The following TF variants were observed in gnomAD, a reference collection of about 807,000 sequenced individuals.
TF encodes transferrin.
TF carries 55 observed loss-of-function variants against 82.4 expected under a neutral mutation model. The ratio of observed to expected loss-of-function variants is 0.67; its 90% CI spans 0.54 to 0.84. The LOEUF is 0.84. Ranked by LOEUF, TF falls within the 40% of genes least tolerant of loss-of-function variation. The pLI is 0.00. For missense variants in TF, 737 were observed against 868.4 expected, an observed-to-expected ratio of 0.85 and a Z score of 1.90; for synonymous variants, 332 against 332.6, an observed-to-expected ratio of 1.00 and a Z score of 0.02.
chr3:133,691,460 A>G, the TF span, among the ~76,000 whole-genome samples: 4 of 152,226 alleles, frequency 2.6e-5, no homozygotes, highest in Admixed American at 2.6e-4. Flanking sequence ...AGGGGAGGAC[A>G]AACAATAAAC....
chr3:133,698,248 A>T, the TF span, among the ~76,000 whole-genome samples: 74 of 152,284 alleles, frequency 4.9e-4, no homozygotes, highest in African/African-American at 1.7e-3. Flanking sequence ...TCATTGCTTC[A>T]TTCTGTTGTT....
the TF span, among the ~76,000 whole-genome samples, chr3:133,739,871 T>G: frequency 6.6e-6 from 1 of 152,216 alleles, no homozygotes; most frequent in Non-Finnish European, 1.5e-5. Context: ...AGGAATGCTT[T>G]TACACTGTTG....
At chr3:133,684,094 G>A in the TF span, among the ~76,000 whole-genome samples, 1 of 152,222 alleles carries the variant, frequency 6.6e-6, no homozygotes, top group Non-Finnish European at 1.5e-5. Flanking sequence ...ACCTGCTCCT[G>A]AATGACTACT....
At chr3:133,747,641 CT>C (rs1933540769) in intron 1 of TF, among the ~76,000 whole-genome samples, 1 of 152,174 alleles carries the variant, frequency 6.6e-6, no homozygotes, top group South Asian at 2.1e-4. Context: ...CTGGCTTCAG[CT>C]TTTTTTGTGA....
At position 133,793,814 on chromosome 3, in the gene TF, A is replaced by G. The variant is rs1215070876; in HGVS notation, c.*15194A>G. On this transcript the variant is annotated 3_prime_UTR_variant, in exon 17 of 17. Coordinates refer to ENST00000402696, the MANE Select transcript of TF (RefSeq NM_001063.4). ...ATGAAAGATTGGAAAGGACCCTAAAAAGCACTCTTGAATACAGGTTTCTAA... is the reference window on the plus strand; with the variant it reads ...ATGAAAGATTGGAAAGGACCCTAAAGAGCACTCTTGAATACAGGTTTCTAA... 1 of 152,190 alleles carries G rather than the reference A, an allele frequency of 6.6e-6. No homozygotes were observed. Among genetic ancestry groups the G allele is most frequent in the Non-Finnish European group, 1.5e-5 (1 of 68,026 alleles). The allele number at this position is 152,190 out of a possible 1,614,324, so 9.4% of individuals were successfully genotyped here. A position where few individuals can be genotyped will look rare whatever the true frequency, so the allele number is the denominator to read the frequency against.
the TF span, among the ~76,000 whole-genome samples, chr3:133,733,535 C>G: frequency 0.018 from 2,788 of 152,234 alleles, 41 homozygotes; most frequent in Middle Eastern, 0.034. Context: ...AGCTGTCAGC[C>G]TGGGGGGTCA....
Position 133,747,445 on chromosome 3 carries a change from G to A in TF, c.43+962G>A, listed in dbSNP as rs1400319249. Among the ~76,000 whole-genome samples, 3 of 152,350 alleles carry A rather than the reference G, an allele frequency of 2.0e-5. No individual in the cohort carries two copies. In the East Asian group the frequency reaches 5.8e-4, roughly 29 times the overall value. On this transcript the variant is annotated intron_variant, in intron 1 of 16. Transcript: ENST00000402696. The stretch of plus-strand genomic sequence containing the variant: ...GCCATCCCTGGTGGCCCCTCCTCAT[G>A]CATCCTGGAGAGCTGTGGGCCTCCT...
rs1390271699 is a variant in TF at position 133,778,636 on chromosome 3, G to A, written c.*16G>A. The A allele has an allele frequency of 6.2e-7, 1 of 1,612,992 alleles. No homozygotes were observed. The highest frequency in any genetic ancestry group is 8.5e-7 in the Non-Finnish European group (1 of 1,179,400). On this transcript the variant is annotated 3_prime_UTR_variant, in exon 17 of 17. Transcript: ENST00000402696. ...TAGACCTTAAAATCTCAGAGGTAGG[G>A]CTGCCACCAAGGTGAAGATGGGAAC...
the TF span, among the ~76,000 whole-genome samples, chr3:133,740,248 C>A: frequency 6.6e-6 from 1 of 152,266 alleles, no homozygotes; most frequent in Admixed American, 6.5e-5. Context: ...AAACCAAATA[C>A]CACATGTTCT....
chr3:133,720,572 C>T, the TF span, among the ~76,000 whole-genome samples: 1 of 151,744 alleles, frequency 6.6e-6, no homozygotes, highest in African/African-American at 2.4e-5. Context: ...TTGTTGTGTC[C>T]TTGTCTGGTT....
upstream of TF, chr3:133,746,093 G>A: frequency 2.3e-6 from 1 of 441,878 alleles, no homozygotes; most frequent in Non-Finnish European, 4.2e-6. Context: ...CTGGAGTCAG[G>A]AGCAGAGCCC....
chr3:133,762,260 T>C (rs952255320), intron 9 of TF: 4 of 196,324 alleles, frequency 2.0e-5, no homozygotes, highest in Admixed American at 4.6e-5. Flanking sequence ...GTCATTGGAT[T>C]TGTTGTGCCA....
At chr3:133,735,600 G>C in the TF span, among the ~76,000 whole-genome samples, 2 of 152,142 alleles carry the variant, frequency 1.3e-5, no homozygotes, top group East Asian at 3.9e-4. Flanking sequence ...TCAGTTTGAA[G>C]AAGGACATAA....
chr3:133,729,915 C>T, the TF span, among the ~76,000 whole-genome samples: 3 of 152,040 alleles, frequency 2.0e-5, no homozygotes, highest in Non-Finnish European at 4.4e-5. Context: ...TCTCTTGTAT[C>T]CCACTGATCT....
At position 133,756,273 on chromosome 3, in the gene TF, T is replaced by G. The variant is rs1457499325; in HGVS notation, c.636-9T>G. On this transcript the variant is annotated splice_polypyrimidine_tract_variant and intron_variant, in intron 5 of 16. Coordinates refer to ENST00000402696, the MANE Select transcript of TF (RefSeq NM_001063.4). ...GCAGGAGCCCTGCTGATGTGTTTCTTTGACCCAGGTGTCTGAAGGATGGTG... is the reference window on the plus strand; with the variant it reads ...GCAGGAGCCCTGCTGATGTGTTTCTGTGACCCAGGTGTCTGAAGGATGGTG... 6.2e-7 allele frequency: 1 copy of G among 1,614,020 alleles called. No homozygotes were observed.
chr3:133,677,529 C>T, the TF span, among the ~76,000 whole-genome samples: 7 of 151,968 alleles, frequency 4.6e-5, no homozygotes, highest in Non-Finnish European at 8.8e-5. Context: ...CCCAGCTACT[C>T]GGGAGGCTGA....
At chr3:133,758,038 C>A in intron 8 of TF, 92 bp downstream of exon 8, 1 of 1,241,548 alleles carries the variant, frequency 8.1e-7, no homozygotes, top group Admixed American at 2.0e-5. Context: ...GGGACCTGCA[C>A]GCCTCTCCTG....
At chr3:133,679,393 A>G in the TF span, among the ~76,000 whole-genome samples, 37 of 152,346 alleles carry the variant, frequency 2.4e-4, no homozygotes, top group South Asian at 6.4e-3. Flanking sequence ...GTATACATAT[A>G]GTTCAGTGAA....
the TF span, among the ~76,000 whole-genome samples, chr3:133,711,805 A>G: frequency 6.6e-6 from 1 of 152,058 alleles, no homozygotes; most frequent in Non-Finnish European, 1.5e-5. Flanking sequence ...CTCTAACGAT[A>G]AAGAACAAAA....
Sources: allele counts gnomAD v4.1 joint callset (sites outside exome capture counted in the v4.1 genomes callset), GRCh38; gene constraint gnomAD v4.1.1; transcripts MANE v1.5; gene names NCBI Gene and HGNC (gene_info 2026-07-23, HGNC 2026-07-21).